SNTG2: variants seen among roughly 807,000 people sequenced by gnomAD.
SNTG2 encodes gamma-2-syntrophin.
In SNTG2, 74 loss-of-function variants were observed where a neutral mutation model predicts 70.9. That is an observed-to-expected ratio of 1.04 (90% CI 0.86 to 1.27). SNTG2 has a LOEUF of 1.27. SNTG2 is among the 50% of genes most tolerant of loss of function. The probability of loss-of-function intolerance (pLI) is 0.00; values close to 1 mark genes in which losing one functional copy is unlikely to be tolerated. For missense variants in SNTG2, 717 were observed against 690.7 expected (o/e 1.04, Z -0.43); for synonymous variants, 278 against 273.8 (o/e 1.02, Z -0.15).
intron 9 of SNTG2, among the ~76,000 whole-genome samples, chr2:1,236,908 A>T (rs1247816383): frequency 6.6e-6 from 1 of 151,934 alleles, no homozygotes; most frequent in Non-Finnish European, 1.5e-5. Flanking sequence ...CCATGGAGGT[A>T]TTATGAGTCA....
chr2:1,197,475 G>GTA (rs139586921), intron 8 of SNTG2, among the ~76,000 whole-genome samples: 1,407 of 97,126 alleles, frequency 0.014, 65 homozygotes, highest in African/African-American at 0.04. Flanking sequence ...ATATATATGT[G>GTA]TATATATATA....
chr2:1,016,992 G>T, intron 1 of SNTG2, among the ~76,000 whole-genome samples: 1 of 152,182 alleles, frequency 6.6e-6, no homozygotes, highest in South Asian at 2.1e-4. Context: ...CAGTTGGCCA[G>T]GGTCTCAGAG....
intron 14 of SNTG2, among the ~76,000 whole-genome samples, chr2:1,297,600 C>T (rs927738801): frequency 6.6e-6 from 1 of 152,130 alleles, no homozygotes; most frequent in Non-Finnish European, 1.5e-5. Context: ...CCCAGCCCGT[C>T]GCCTCTGCAG....
chr2:1,149,672 GTTTTTTTTTTTT>G (rs1221169268), intron 6 of SNTG2, among the ~76,000 whole-genome samples: 2 of 146,532 alleles, frequency 1.4e-5, no homozygotes, highest in African/African-American at 5.1e-5. Context: ...GTTGATTAGC[GTTTTTTTTTTTT>G]TTTTTTTTTT....
chr2:1,214,401 TG>T (rs1290921927), intron 9 of SNTG2, among the ~76,000 whole-genome samples: 1 of 152,206 alleles, frequency 6.6e-6, no homozygotes, highest in Non-Finnish European at 1.5e-5. Flanking sequence ...TTTCCATTTT[TG>T]TGTGTCATCT....
chr2:1,198,739 T>C (rs902996334), intron 8 of SNTG2, among the ~76,000 whole-genome samples: 4 of 151,966 alleles, frequency 2.6e-5, no homozygotes, highest in African/African-American at 9.7e-5. Flanking sequence ...CAAAGAATCA[T>C]CAGAGACTAT....
chr2:1,062,690 T>C (rs12611895), intron 1 of SNTG2, among the ~76,000 whole-genome samples: 85,534 of 152,112 alleles, frequency 0.56, 24,387 homozygotes, highest in East Asian at 0.68. Flanking sequence ...GATTTTAAGT[T>C]GATTTTTGCA....
intron 1 of SNTG2, among the ~76,000 whole-genome samples, chr2:1,020,454 T>C (rs923265767): frequency 1.3e-5 from 2 of 152,220 alleles, no homozygotes; most frequent in Non-Finnish European, 1.5e-5. Flanking sequence ...GAAGGACTTA[T>C]TTTTACCAAA....
At chr2:964,900 A>T (rs1249689482) in intron 1 of SNTG2, among the ~76,000 whole-genome samples, 4 of 152,074 alleles carry the variant, frequency 2.6e-5, no homozygotes, top group South Asian at 2.1e-4. Context: ...GACGGGGAGA[A>T]TGGGTGGCAG....
intron 8 of SNTG2, among the ~76,000 whole-genome samples, chr2:1,188,350 AAAGAT>A (rs1672373617): frequency 6.6e-6 from 1 of 152,174 alleles, no homozygotes; most frequent in Admixed American, 6.5e-5. Flanking sequence ...TGAGAGAACC[AAAGAT>A]AAGAAGGTAG....
At chr2:1,358,772 C>T (rs1013276041) in intron 16 of SNTG2, among the ~76,000 whole-genome samples, 3 of 152,120 alleles carry the variant, frequency 2.0e-5, no homozygotes, top group South Asian at 2.1e-4. Flanking sequence ...AGTCTATGGC[C>T]TGTCCTGGAG....
intron 13 of SNTG2, among the ~76,000 whole-genome samples, chr2:1,266,061 A>G (rs78017899): frequency 0.049 from 7,514 of 152,208 alleles, 267 homozygotes; most frequent in East Asian, 0.21. Flanking sequence ...ACAGACAGAG[A>G]CAGAGAGAAG....
intron 8 of SNTG2, among the ~76,000 whole-genome samples, chr2:1,200,586 A>G (rs892471080): frequency 6.6e-6 from 1 of 152,030 alleles, no homozygotes; most frequent in South Asian, 2.1e-4. Flanking sequence ...TGAAGCAACA[A>G]TATATGTAAT....
At chr2:963,450 C>A (rs1426882531) in intron 1 of SNTG2, among the ~76,000 whole-genome samples, 1 of 152,108 alleles carries the variant, frequency 6.6e-6, no homozygotes, top group South Asian at 2.1e-4. Flanking sequence ...GCGAGCAAGT[C>A]AGTTTCCACG....
chr2:1,064,583 C>T (rs1372978048), intron 1 of SNTG2, among the ~76,000 whole-genome samples: 1 of 152,014 alleles, frequency 6.6e-6, no homozygotes, highest in East Asian at 1.9e-4. Context: ...ATTCTTACAT[C>T]GTTCATGAAG....
At chr2:1,190,344 T>G (rs1672505001) in intron 8 of SNTG2, among the ~76,000 whole-genome samples, 1 of 151,770 alleles carries the variant, frequency 6.6e-6, no homozygotes, top group Admixed American at 6.6e-5. Context: ...AAATGCTGTG[T>G]AAATAGTTCC....
At chr2:1,154,308 G>T (rs1037679931) in intron 6 of SNTG2, among the ~76,000 whole-genome samples, 1 of 152,184 alleles carries the variant, frequency 6.6e-6, no homozygotes, top group Non-Finnish European at 1.5e-5. Flanking sequence ...GCATCTTCCC[G>T]GAGGGTCCAG....
intron 6 of SNTG2, among the ~76,000 whole-genome samples, chr2:1,153,578 C>T (rs187163538): frequency 9.8e-5 from 15 of 152,300 alleles, no homozygotes; most frequent in Admixed American, 5.9e-4. Flanking sequence ...GAAAGCCTCA[C>T]GGAAAAGCTT....
rs1454791129 is a variant in SNTG2 at position 1,168,034 on chromosome 2, C to T, written c.499+2399C>T. On this transcript the variant is annotated intron_variant, in intron 7 of 16. Transcript: ENST00000308624. ...CTGAAGCCTAGAAGCCGCCCACAGA[C>T]GGCAGAACTGAAACCTACAGGCCGC... Among the ~76,000 whole-genome samples the T allele has an allele frequency of 7.6e-5, 10 of 130,976 alleles. No homozygotes were observed. In the East Asian group the frequency reaches 2.4e-3, roughly 32 times the overall value. 85.9% of individuals were successfully genotyped at this position (130,976 alleles called of 152,430 possible). A position where few individuals can be genotyped will look rare whatever the true frequency, so the allele number is the denominator to read the frequency against.
Sources: gnomAD v4.1 joint callset for allele counts (sites outside exome capture counted in the v4.1 genomes callset) on GRCh38, gnomAD v4.1.1 for gene constraint, MANE v1.5 for transcripts, NCBI Gene and HGNC (gene_info 2026-07-23, HGNC 2026-07-21) for gene names.